Variants in FAM133B observed in about 807,000 individuals in gnomAD.
The protein encoded by FAM133B is family with sequence similarity 133 member B.
In FAM133B, 25 loss-of-function variants were observed where a neutral mutation model predicts 46.4. That is an observed-to-expected ratio of 0.54 (90% CI 0.39 to 0.75). The LOEUF (loss-of-function observed/expected upper bound fraction) is 0.75, where lower values mean the gene tolerates loss of function less well. Ranked by LOEUF, FAM133B falls within the 30% of genes least tolerant of loss-of-function variation. FAM133B has a pLI of 0.00. For synonymous variants in FAM133B, 75 were observed against 86.0 expected (o/e 0.87, Z 0.71); for missense variants, 205 against 277.6 (o/e 0.74, Z 1.86).
At chr7:92,579,923 A>C (rs1173281094) in intron 2 of FAM133B, among the ~76,000 whole-genome samples, 1 of 152,246 alleles carries the variant, frequency 6.6e-6, no homozygotes. Flanking sequence ...TCTTGGAAAG[A>C]CATACTTAAA....
Position 92,562,333 on chromosome 7 carries a change from G to C in FAM133B, c.693C>G (p.His231Gln), listed in dbSNP as rs1794183858. 3 of 1,534,158 alleles carry C rather than the reference G, an allele frequency of 2.0e-6. No homozygotes were observed. The highest frequency in any genetic ancestry group is 3.9e-5 in the Admixed American group (2 of 50,774). Residue 231 changes from histidine (H) to glutamine (Q), a missense_variant, in exon 11 of 11, where the codon CAC becomes CAG. By Grantham distance (24) the His-to-Gln change is conservative. Coordinates refer to ENST00000445716, the MANE Select transcript of FAM133B (RefSeq NM_152789.4). ...CAGCCTTCTTTTTCTTCTTCTTACT[G>C]TGTTTCTTATGCTTCTTTTTCTTTT... ...KTKKKKKHKK[H>Q]SKKKKKKAAS...
At chr7:92,566,971 T>G (rs1011518883) in intron 9 of FAM133B, among the ~76,000 whole-genome samples, 1 of 152,062 alleles carries the variant, frequency 6.6e-6, no homozygotes, top group Non-Finnish European at 1.5e-5. Context: ...AGCGCTTTGA[T>G]AGGCCAAGGT....
chr7:92,577,124 T>A lies in FAM133B; in HGVS notation c.444A>T (p.Ser148=), dbSNP rs1377124521. ...TTACCTTACTGTCTGATTCAGTTTC[T>A]GACATGGAGCTTTCAGAAGATTTAT... ...RSHKSSESSM[S]ETESDSKDSL... The change falls in exon 7 of 11, where the codon TCA becomes TCT. Residue 148 remains serine, a synonymous_variant. Transcript: ENST00000445716. The A allele has an allele frequency of 6.7e-7, 1 of 1,493,014 alleles. No homozygotes were observed. The highest frequency in any genetic ancestry group is 1.4e-5 in the African/African-American group (1 of 70,906). 92.5% of individuals were successfully genotyped at this position (1,493,014 alleles called of 1,614,324 possible). A position where few individuals can be genotyped will look rare whatever the true frequency, so the allele number is the denominator to read the frequency against.
chr7:92,578,456 GAGACAGCC>G (rs1451431697), intron 3 of FAM133B, 63 bp from the exon 4 acceptor site: 2 of 1,397,696 alleles, frequency 1.4e-6, no homozygotes, highest in African/African-American at 2.8e-5. Context: ...CTAATATACA[GAGACAGCC>G]ACTGCTTCCT....
intron 7 of FAM133B, among the ~76,000 whole-genome samples, chr7:92,576,346 C>T (rs892477033): frequency 2.6e-5 from 4 of 151,538 alleles, no homozygotes; most frequent in Non-Finnish European, 5.9e-5. Flanking sequence ...TAAATGTTAG[C>T]TATCATTATC....
chr7:92,577,263 T>G, intron 6 of FAM133B, 68 bp from the exon 7 acceptor site: 1 of 1,127,810 alleles, frequency 8.9e-7, no homozygotes, highest in Non-Finnish European at 1.2e-6. Context: ...TTTATTAATA[T>G]AAAACTTTTA....
intron 1 of FAM133B, among the ~76,000 whole-genome samples, chr7:92,583,963 T>C (rs1794963661): frequency 1.4e-5 from 2 of 141,562 alleles, no homozygotes; most frequent in African/African-American, 5.4e-5. Context: ...GGCAGGAAAA[T>C]CTCTTGAACC....
At chr7:92,588,189 T>C (rs1204286969) in intron 1 of FAM133B, among the ~76,000 whole-genome samples, 1 of 152,212 alleles carries the variant, frequency 6.6e-6, no homozygotes, top group African/African-American at 2.4e-5. Flanking sequence ...CTCTGTGCCA[T>C]AGCTGCATAC....
At chr7:92,579,046 A>T in intron 3 of FAM133B, 1 of 313,658 alleles carries the variant, frequency 3.2e-6, no homozygotes, top group Non-Finnish European at 5.9e-6. Context: ...TTTTTAAAGC[A>T]TGCACGTAAA....
At chr7:92,589,895 A>G (rs185849948) in intron 1 of FAM133B, 29 of 251,488 alleles carry the variant, frequency 1.2e-4, no homozygotes, top group Non-Finnish European at 1.9e-4. Context: ...GGTGAGTCGG[A>G]TGCGTCCAAG....
rs956985216 is a variant in FAM133B at position 92,575,788 on chromosome 7, C to T, written c.499G>A (p.Gly167Arg). 6 of 1,380,050 alleles carry T rather than the reference C, an allele frequency of 4.3e-6. No individual in the cohort carries two copies. The highest frequency in any genetic ancestry group is 1.4e-5 in the African/African-American group (1 of 70,154). The allele number at this position is 1,380,050 out of a possible 1,614,324, so 85.5% of individuals were successfully genotyped here. A position where few individuals can be genotyped will look rare whatever the true frequency, so the allele number is the denominator to read the frequency against. ...SLKKKKKSKD[G>R]TEKEKDIKGL... is the part of the protein sequence containing the mutation. ...ATAGTTACCTTTTCTTTCTCAGTTC[C>T]ATCTTTTGACTTCTTTTTCTTTTTT... The change falls in exon 8 of 11, where the codon GGA (glycine) becomes AGA (arginine). Residue 167 changes from glycine (G) to arginine (R), a missense_variant. Coordinates refer to ENST00000445716, the MANE Select transcript of FAM133B (RefSeq NM_152789.4).
At position 92,590,256 on chromosome 7, in the gene FAM133B, C is replaced by T. The variant is rs201639420; in HGVS notation, c.24+12G>A. 1.2e-6 allele frequency: 2 copies of T among 1,613,694 alleles called. No individual in the cohort carries two copies. The highest frequency in any genetic ancestry group is 1.7e-6 in the Non-Finnish European group (2 of 1,179,660). On this transcript the variant is annotated intron_variant, in intron 1 of 10. Coordinates refer to ENST00000445716, the MANE Select transcript of FAM133B (RefSeq NM_152789.4). ...CTGCGTCGCCCCACTGTTTTCCCGGCTGAGTACTCACCACCCGATTGTCCC... is the reference window on the plus strand; with the variant it reads ...CTGCGTCGCCCCACTGTTTTCCCGGTTGAGTACTCACCACCCGATTGTCCC...
At chr7:92,577,223 G>C (rs751806145) in intron 6 of FAM133B, 28 bp from the exon 7 acceptor site, 23 of 1,366,734 alleles carry the variant, frequency 1.7e-5, no homozygotes, top group Non-Finnish European at 2.2e-5. Context: ...AGAAACATTT[G>C]CTTTCTGTCT....
At chr7:92,590,081 G>A (rs941952501) in intron 1 of FAM133B, 187 bp downstream of exon 1, 10 of 724,326 alleles carry the variant, frequency 1.4e-5, no homozygotes, top group East Asian at 5.6e-5. Context: ...AGAGAGCTGG[G>A]AACCCTAAAG....
intron 8 of FAM133B, among the ~76,000 whole-genome samples, 153 bp downstream of exon 8, chr7:92,575,618 A>T (rs576896302): frequency 6.6e-6 from 1 of 152,366 alleles, no homozygotes; most frequent in Non-Finnish European, 1.5e-5. Context: ...ATCTTCAATA[A>T]TGAATCCAAA....
rs945667128 is a variant in FAM133B, at chr7:92,575,880, A to T, written c.466-59T>A. ...GCCAAGGACACAGCATTACAGAACA[A>T]GGACAAAAACACCCAAAAAGTGATT... On this transcript the variant is annotated intron_variant, in intron 7 of 10. Transcript: ENST00000445716. 5 of 796,824 alleles carry T rather than the reference A, an allele frequency of 6.3e-6. No individual in the cohort carries two copies. The East Asian group carries it at 1.4e-4, about 22-fold the overall frequency. The allele number at this position is 796,824 out of a possible 1,614,324, so 49.4% of individuals were successfully genotyped here. A position where few individuals can be genotyped will look rare whatever the true frequency, so the allele number is the denominator to read the frequency against.
chr7:92,569,973 T>A, intron 8 of FAM133B, 58 bp from the exon 9 acceptor site: 1 of 729,694 alleles, frequency 1.4e-6, no homozygotes. Flanking sequence ...ACACATTTTA[T>A]GTTTCTAAGT....
chr7:92,566,996 A>G (rs1322862319), intron 9 of FAM133B, among the ~76,000 whole-genome samples: 1 of 152,184 alleles, frequency 6.6e-6, no homozygotes, highest in Non-Finnish European at 1.5e-5. Flanking sequence ...GAATTGCTTG[A>G]GGCCAGGAGT....
At chr7:92,568,111 T>G (rs1450103247) in intron 9 of FAM133B, among the ~76,000 whole-genome samples, 2 of 152,026 alleles carry the variant, frequency 1.3e-5, no homozygotes, top group Non-Finnish European at 2.9e-5. Context: ...TTTAAAGAGA[T>G]AGGGTTTCGC....
Sources: allele counts gnomAD v4.1 joint callset (sites outside exome capture counted in the v4.1 genomes callset), GRCh38; gene constraint gnomAD v4.1.1; transcripts MANE v1.5; gene names NCBI Gene and HGNC (gene_info 2026-07-23, HGNC 2026-07-21).